The following DNAH6 variants were observed in gnomAD, a reference collection of about 807,000 sequenced individuals.
The protein encoded by DNAH6 is dynein axonemal heavy chain 6, also known as axonemal beta dynein heavy chain 6.
Under a neutral mutation model 491.4 loss-of-function variants are expected in DNAH6, and 340 were observed. The observed-to-expected ratio is 0.69, with a 90% CI of 0.63 to 0.76. DNAH6 has a LOEUF of 0.76. Ranked by LOEUF, DNAH6 falls within the 30% of genes least tolerant of loss-of-function variation. The probability of loss-of-function intolerance (pLI) is 0.00; values close to 1 mark genes in which losing one functional copy is unlikely to be tolerated. For synonymous variants in DNAH6, 1,603 were observed against 1,686.1 expected (o/e 0.95, Z 1.21); for missense variants, 4,443 against 4,972.2 (o/e 0.89, Z 3.20).
At position 84,605,365 on chromosome 2, in the gene DNAH6, A is replaced by G. The variant is rs911276448; in HGVS notation, c.3082-135A>G. 6 of 644,154 alleles carry G rather than the reference A, an allele frequency of 9.3e-6. No homozygotes were observed. The African/African-American group carries it at 1.2e-4, about 12-fold the overall frequency. The allele number at this position is 644,154 out of a possible 1,614,324, so 39.9% of individuals were successfully genotyped here. ...GAGACTCTATCTCAAAAAAAAAAAA[A>G]AAAAAGAATTTTAGAGAGCAATAAG... is the stretch of plus-strand genomic sequence containing the variant. On this transcript the variant is annotated intron_variant, in intron 19 of 76. Transcript: ENST00000389394.
intron 1 of DNAH6, among the ~76,000 whole-genome samples, chr2:84,517,089 T>A (rs931212232): frequency 6.6e-6 from 1 of 152,218 alleles, no homozygotes; most frequent in African/African-American, 2.4e-5. Flanking sequence ...CCAGCACTGA[T>A]CTATATAAAA....
intron 71 of DNAH6, among the ~76,000 whole-genome samples, chr2:84,806,161 G>C (rs1679393275): frequency 6.6e-6 from 1 of 152,108 alleles, no homozygotes; most frequent in Non-Finnish European, 1.5e-5. Flanking sequence ...TTCCTCATTT[G>C]TACCAGTCAC....
chr2:84,605,532 C>T lies in DNAH6; in HGVS notation c.3114C>T (p.Val1038=). The change falls in exon 20 of 77, where the codon GTC becomes GTT. Residue 1038 remains valine (V), a synonymous_variant. Transcript: ENST00000389394. ...VEDSWKTTEF[V]ILPHRDSKDV... The stretch of plus-strand genomic sequence containing the variant: ...ACTCTTGGAAAACAACTGAATTTGT[C>T]ATTCTGCCTCACCGTGACTCCAAAG... 2 of 1,551,338 alleles carry T rather than the reference C, an allele frequency of 1.3e-6. No homozygotes were observed. Among genetic ancestry groups the T allele is most frequent in the South Asian group, 2.4e-5 (2 of 84,028 alleles).
the DNAH6 span, among the ~76,000 whole-genome samples, chr2:84,480,700 C>T: frequency 6.6e-6 from 1 of 152,324 alleles, no homozygotes; most frequent in South Asian, 2.1e-4. Context: ...CGGTGGCTCA[C>T]GCCTGTAATC....
At chr2:84,742,119 C>T (rs1672580226) in intron 62 of DNAH6, among the ~76,000 whole-genome samples, 1 of 152,230 alleles carries the variant, frequency 6.6e-6, no homozygotes, top group Admixed American at 6.5e-5. Context: ...TCTGGCTCTT[C>T]TCCATGGAGG....
At chr2:84,522,618 G>A (rs953503668) in intron 2 of DNAH6, among the ~76,000 whole-genome samples, 2 of 151,024 alleles carry the variant, frequency 1.3e-5, no homozygotes, top group Non-Finnish European at 3.0e-5. Context: ...GTAATATATG[G>A]CTGTTATTTT....
the DNAH6 span, among the ~76,000 whole-genome samples, chr2:84,466,532 T>C: frequency 6.6e-6 from 1 of 152,230 alleles, no homozygotes; most frequent in African/African-American, 2.4e-5. Context: ...TCCTCGATTC[T>C]GAAAAACAAA....
In DNAH6 at chr2:84,710,208, A is replaced by G. The variant is rs900852331; in HGVS notation, c.9253-79A>G. ...TTTCTAGATTGAATAACATTTCCACACTTTCTTCTAAAGCTTTCGCTTTCT... is the reference window on the plus strand; with the variant it reads ...TTTCTAGATTGAATAACATTTCCACGCTTTCTTCTAAAGCTTTCGCTTTCT... On this transcript the variant is annotated intron_variant, in intron 55 of 76. Coordinates refer to ENST00000389394, the MANE Select transcript of DNAH6 (RefSeq NM_001370.2). The G allele has an allele frequency of 3.4e-6, 5 of 1,487,442 alleles. No homozygotes were observed. The Admixed American group carries it at 1.3e-4, about 38-fold the overall frequency. 92.1% of individuals were successfully genotyped at this position (1,487,442 alleles called of 1,614,324 possible). A position where few individuals can be genotyped will look rare whatever the true frequency, so the allele number is the denominator to read the frequency against.
At chr2:84,798,520 C>G (rs771739380) in intron 70 of DNAH6, among the ~76,000 whole-genome samples, 1 of 152,182 alleles carries the variant, frequency 6.6e-6, no homozygotes, top group Non-Finnish European at 1.5e-5. Context: ...ACACTCATCC[C>G]CCAAAGCTCT....
At chr2:84,540,152 T>C (rs796105473) in intron 4 of DNAH6, among the ~76,000 whole-genome samples, 4 of 152,234 alleles carry the variant, frequency 2.6e-5, no homozygotes, top group East Asian at 1.9e-4. Context: ...CTTGTAGATA[T>C]CAGAAATTTG....
chr2:84,671,050 G>A (rs1331967151), intron 39 of DNAH6, among the ~76,000 whole-genome samples: 1 of 152,090 alleles, frequency 6.6e-6, no homozygotes, highest in African/African-American at 2.4e-5. Flanking sequence ...GTACGTATGG[G>A]AGGTGAAGGG....
chr2:84,653,532 A>C lies in DNAH6; in HGVS notation c.5292A>C (p.Arg1764=). The part of the protein sequence containing the change: ...PTGGGKTTVY[R]ILAETLGNLQ... ...GAGGCGGCAAGACCACAGTTTACCG[A>C]ATACTAGCAGAAACTTTAGGGAATT... The change falls in exon 34 of 77, where the codon CGA becomes CGC. Residue 1764 remains arginine (R), a synonymous_variant. Transcript: ENST00000389394. 6.4e-7 allele frequency: 1 copy of C among 1,551,370 alleles called. No homozygotes were observed.
At chr2:84,524,827 AT>A (rs1676464740) in intron 2 of DNAH6, among the ~76,000 whole-genome samples, 1 of 151,990 alleles carries the variant, frequency 6.6e-6, no homozygotes, top group South Asian at 2.1e-4. Context: ...CTCTATTCCT[AT>A]TTAGCACTAT....
chr2:84,757,133 A>G lies in DNAH6; in HGVS notation c.10513-5622A>G, dbSNP rs1231107991. ...GCCATTTCCACAGCAAATTCTTGCCATTACTGCCATCAAGATCTCCATGAG... is the reference window on the plus strand; with the variant it reads ...GCCATTTCCACAGCAAATTCTTGCCGTTACTGCCATCAAGATCTCCATGAG... On this transcript the variant is annotated intron_variant, in intron 63 of 76. Coordinates refer to ENST00000389394, the MANE Select transcript of DNAH6 (RefSeq NM_001370.2). Among the ~76,000 whole-genome samples, 2 of 152,184 alleles carry G rather than the reference A, an allele frequency of 1.3e-5. 1 individual carries two copies. Among genetic ancestry groups the G allele is most frequent in the African/African-American group, 4.8e-5 (2 of 41,446 alleles).
chr2:84,513,515 A>C (rs2104384207), upstream of DNAH6, among the ~76,000 whole-genome samples: 1 of 152,222 alleles, frequency 6.6e-6, no homozygotes, highest in East Asian at 1.9e-4. Flanking sequence ...ATTACTTTTA[A>C]ATTTTATATT....
At chr2:84,599,842 A>C (rs924823352) in intron 18 of DNAH6, among the ~76,000 whole-genome samples, 1 of 152,126 alleles carries the variant, frequency 6.6e-6, no homozygotes, top group Non-Finnish European at 1.5e-5. Context: ...TGTCTATTCT[A>C]ATTCCTTTGC....
At chr2:84,546,820 C>T (rs1163720044) in intron 5 of DNAH6, among the ~76,000 whole-genome samples, 3 of 152,120 alleles carry the variant, frequency 2.0e-5, no homozygotes, top group African/African-American at 7.2e-5. Flanking sequence ...AAACATGAAG[C>T]AGTTTTCCAA....
intron 29 of DNAH6, among the ~76,000 whole-genome samples, chr2:84,633,260 T>G (rs1194313770): frequency 2.0e-5 from 3 of 152,196 alleles, no homozygotes; most frequent in Admixed American, 1.3e-4. Flanking sequence ...TTGTCTCTGC[T>G]TTCCTTATCT....
intron 58 of DNAH6, among the ~76,000 whole-genome samples, chr2:84,716,126 T>C (rs551667150): frequency 1.3e-5 from 2 of 150,510 alleles, no homozygotes; most frequent in East Asian, 3.9e-4. Flanking sequence ...TATACACATA[T>C]ATACATATAT....
Sources: allele counts gnomAD v4.1 joint callset (sites outside exome capture counted in the v4.1 genomes callset), GRCh38; gene constraint gnomAD v4.1.1; transcripts MANE v1.5; gene names NCBI Gene and HGNC (gene_info 2026-07-23, HGNC 2026-07-21).